Variants in WFS1 observed in about 807,000 individuals in gnomAD.
WFS1 encodes the protein wolframin ER transmembrane glycoprotein, also known as wolframin.
WFS1 carries 90 observed loss-of-function variants against 68.5 expected under a neutral mutation model. The observed-to-expected ratio is 1.31, with a 90% CI of 1.11 to 1.56. The LOEUF (loss-of-function observed/expected upper bound fraction) is 1.56. WFS1 is among the 40% of genes most tolerant of loss of function. The pLI, the probability that WFS1 is intolerant of heterozygous loss-of-function variation, is 0.00. For synonymous variants in WFS1, 860 were observed against 540.7 expected (o/e 1.59, Z -8.19); for missense variants, 1,767 against 1,232.6 (o/e 1.43, Z -6.49).
chr4:6,297,084 C>G (rs1164254787), intron 7 of WFS1, among the ~76,000 whole-genome samples: 1 of 152,210 alleles, frequency 6.6e-6, no homozygotes, highest in African/African-American at 2.4e-5. Context: ...CCACTTTGGC[C>G]TCCCACACTG....
chr4:6,271,902 C>T (rs1729855115), intron 1 of WFS1, among the ~76,000 whole-genome samples: 1 of 152,236 alleles, frequency 6.6e-6, no homozygotes, highest in Admixed American at 6.5e-5. Context: ...CAGCCTCTCC[C>T]TCCTGTGTCC....
Position 6,301,624 on chromosome 4 carries a change from T to C in WFS1, c.1829T>C (p.Leu610Ser). 3.1e-6 allele frequency: 5 copies of C among 1,614,116 alleles called. No homozygotes were observed. The highest frequency in any genetic ancestry group is 4.2e-6 in the Non-Finnish European group (5 of 1,180,004). The change falls in exon 8 of 8, where the codon TTG (leucine) becomes TCG (serine). Residue 610 changes from leucine to serine, a missense_variant. By Grantham distance (145) the Leu-to-Ser change is moderately radical. Transcript: ENST00000226760. ...GCGGTCTGTAGTGTGCCCCTGCTGT[T>C]GCGCTGGTGGACCAAGGCCAGCTTC... ...TVAVCSVPLL[L>S]RWWTKASFSV... is the part of the protein sequence containing the mutation.
intron 2 of WFS1, among the ~76,000 whole-genome samples, chr4:6,281,012 G>A (rs187152222): frequency 1.2e-3 from 190 of 152,314 alleles, no homozygotes; most frequent in Non-Finnish European, 2.1e-3. Flanking sequence ...GAGACTCTGG[G>A]GCAGTCATAT....
In WFS1 at chr4:6,277,732, T is replaced by C. The variant is rs71524366; in HGVS notation, c.232+45T>C. On this transcript the variant is annotated intron_variant, in intron 2 of 7. Coordinates refer to ENST00000226760, the MANE Select transcript of WFS1 (RefSeq NM_006005.3). Reference sequence around the variant, plus strand: ...AGCCCAGGCTGGGGATGTTCAGGGATAGCTGGGTGGGAACGGGGTTCAGCC... The same window carrying C: ...AGCCCAGGCTGGGGATGTTCAGGGACAGCTGGGTGGGAACGGGGTTCAGCC... The C allele has an allele frequency of 1.0e-3, 1,592 of 1,546,054 alleles. 26 individuals are homozygous for C. In the South Asian group the frequency reaches 0.018, roughly 17 times the overall value.
chr4:6,270,429 G>C (rs1020235619), intron 1 of WFS1, among the ~76,000 whole-genome samples: 104 of 149,670 alleles, frequency 6.9e-4, no homozygotes, highest in African/African-American at 2.4e-3. Flanking sequence ...GTGCCCGCCC[G>C]GCCGTTGGAA....
Position 6,302,633 on chromosome 4 carries a change from G to C in WFS1, c.*165G>C. ...GTAGATTGCGTGGACCCCGACAAAG[G>C]GAAGGCTGCTGTGTAGCTCTGTCCA... On this transcript the variant is annotated 3_prime_UTR_variant, in exon 8 of 8. Coordinates refer to ENST00000226760, the MANE Select transcript of WFS1 (RefSeq NM_006005.3). 3.1e-6 allele frequency: 3 copies of C among 973,136 alleles called. No homozygotes were observed. In the South Asian group the frequency reaches 4.9e-5, roughly 16 times the overall value. The allele number at this position is 973,136 out of a possible 1,614,324, so 60.3% of individuals were successfully genotyped here.
chr4:6,289,313 A>G (rs943222791), intron 4 of WFS1, among the ~76,000 whole-genome samples, 182 bp downstream of exon 4: 4 of 152,230 alleles, frequency 2.6e-5, no homozygotes, highest in African/African-American at 9.6e-5. Context: ...AACATGGGAT[A>G]TTTAACAGAC....
chr4:6,302,416 C>T lies in WFS1; in HGVS notation c.2621C>T (p.Ala874Val), dbSNP rs201776585. Reference protein sequence around the residue: ...EHDWRSTVHGAVKFAFDFFFF... With the variant: ...EHDWRSTVHGVVKFAFDFFFF... ...GACTGGCGCAGCACCGTGCATGGCG[C>T]CGTGAAGTTCGCCTTCGACTTCTTT... The change falls in exon 8 of 8, where the codon GCC (alanine) becomes GTC (valine). Residue 874 changes from alanine (A) to valine (V), a missense_variant. Transcript: ENST00000226760. 6.2e-7 allele frequency: 1 copy of T among 1,613,226 alleles called. No individual in the cohort carries two copies. The highest frequency in any genetic ancestry group is 1.1e-5 in the South Asian group (1 of 91,088).
At chr4:6,272,227 G>A (rs1231525608) in intron 1 of WFS1, among the ~76,000 whole-genome samples, 3 of 152,228 alleles carry the variant, frequency 2.0e-5, no homozygotes, top group African/African-American at 7.2e-5. Flanking sequence ...TCTAGGGCAG[G>A]GGGGCCCAGC....
intron 4 of WFS1, among the ~76,000 whole-genome samples, chr4:6,290,021 C>T (rs1264663986): frequency 6.6e-6 from 1 of 152,210 alleles, no homozygotes; most frequent in Non-Finnish European, 1.5e-5. Context: ...TCACTGTAAC[C>T]TCCACCTCCC....
At chr4:6,296,855 C>T (rs4501291) in intron 7 of WFS1, among the ~76,000 whole-genome samples, 90,508 of 152,146 alleles carry the variant, frequency 0.59, 27,674 homozygotes, top group East Asian at 0.93. Context: ...GACAGGGTCT[C>T]GTTCTGTTGC....
At chr4:6,278,491 G>T (rs908952710) in intron 2 of WFS1, among the ~76,000 whole-genome samples, 1 of 152,248 alleles carries the variant, frequency 6.6e-6, no homozygotes, top group African/African-American at 2.4e-5. Flanking sequence ...AGTGCCTGCT[G>T]TGTACACCAG....
At chr4:6,282,551 G>C (rs112949036) in intron 2 of WFS1, among the ~76,000 whole-genome samples, 1 of 152,166 alleles carries the variant, frequency 6.6e-6, no homozygotes, top group Non-Finnish European at 1.5e-5. Context: ...GCCTAAGATC[G>C]CACTCTTAAG....
At chr4:6,273,281 C>T (rs1052391047) in intron 1 of WFS1, among the ~76,000 whole-genome samples, 2 of 152,184 alleles carry the variant, frequency 1.3e-5, no homozygotes, top group Non-Finnish European at 2.9e-5. Context: ...TCCTTGGTGC[C>T]GGTGTTTGTG....
In WFS1 at chr4:6,301,983, T is replaced by A; in HGVS notation, c.2188T>A (p.Trp730Arg). The A allele has an allele frequency of 6.2e-7, 1 of 1,612,774 alleles. No individual in the cohort carries two copies. Among genetic ancestry groups the A allele is most frequent in the South Asian group, 1.1e-5 (1 of 91,078 alleles). Reference sequence around the variant, plus strand: ...CATGCTCCCGTTCTTCATCGGCGACTGGATGCGCTGCCTCTACGGCGAGGC... The same window carrying A: ...CATGCTCCCGTTCTTCATCGGCGACAGGATGCGCTGCCTCTACGGCGAGGC... ...INMLPFFIGD[W>R]MRCLYGEAYP... Residue 730 changes from tryptophan to arginine, a missense_variant, in exon 8 of 8, where the codon TGG becomes AGG. Trp to Arg is a moderately radical substitution (Grantham distance 101). Coordinates refer to ENST00000226760, the MANE Select transcript of WFS1 (RefSeq NM_006005.3).
Position 6,302,432 on chromosome 4 carries a change from C to T in WFS1, c.2637C>T (p.Phe879=), listed in dbSNP as rs770625544. Residue 879 remains phenylalanine (F), a synonymous_variant, in exon 8 of 8, where the codon TTC becomes TTT. Transcript: ENST00000226760. The part of the protein sequence containing the change: ...STVHGAVKFA[F]DFFFFPFLSA... Reference sequence around the variant, plus strand: ...TGCATGGCGCCGTGAAGTTCGCCTTCGACTTCTTTTTCTTCCCATTCCTGT... The same window carrying T: ...TGCATGGCGCCGTGAAGTTCGCCTTTGACTTCTTTTTCTTCCCATTCCTGT... 2.0e-5 allele frequency: 33 copies of T among 1,613,108 alleles called. No homozygotes were observed. The highest frequency in any genetic ancestry group is 1.6e-4 in the Middle Eastern group (1 of 6,084).
intron 1 of WFS1, among the ~76,000 whole-genome samples, chr4:6,271,756 C>G (rs368981303): frequency 2.6e-5 from 4 of 152,198 alleles, no homozygotes; most frequent in East Asian, 1.9e-4. Context: ...TCCCTGGTCC[C>G]GATCCGGGCC....
intron 6 of WFS1, 113 bp from the exon 7 acceptor site, chr4:6,294,928 C>A: frequency 6.4e-7 from 1 of 1,569,496 alleles, no homozygotes; most frequent in Non-Finnish European, 8.7e-7. Context: ...TGAACCCACT[C>A]AGCTCCTTTC....
intron 2 of WFS1, among the ~76,000 whole-genome samples, chr4:6,279,288 T>C (rs1298003912): frequency 6.6e-6 from 1 of 152,228 alleles, no homozygotes. Context: ...CAAGGGTAGC[T>C]ATTTAACTGA....
Sources: gnomAD v4.1 joint callset for allele counts (sites outside exome capture counted in the v4.1 genomes callset) on GRCh38, gnomAD v4.1.1 for gene constraint, MANE v1.5 for transcripts, NCBI Gene and HGNC (gene_info 2026-07-23, HGNC 2026-07-21) for gene names.